The following RREB1 variants were observed in gnomAD, a reference collection of about 807,000 sequenced individuals.
RREB1 encodes the protein ras responsive element binding protein 1.
A neutral mutation model predicts 117.8 loss-of-function variants in RREB1; 27 were observed. The observed-to-expected ratio is 0.23, with a 90% CI of 0.17 to 0.32. RREB1 has a LOEUF of 0.32. RREB1 is among the 10% of genes least tolerant of loss of function. RREB1 has a pLI of 1.00. For synonymous variants in RREB1, 1,298 were observed against 1,026.7 expected, an observed-to-expected ratio of 1.26 and a Z score of -5.05; for missense variants, 2,577 against 2,378.2, an observed-to-expected ratio of 1.08 and a Z score of -1.74.
chr6:7,227,693 A>T (rs1767669418), intron 9 of RREB1, among the ~76,000 whole-genome samples: 2 of 152,214 alleles, frequency 1.3e-5, no homozygotes, highest in African/African-American at 4.8e-5. Context: ...GGTTTCTATT[A>T]AAAACAATTT....
intron 4 of RREB1, 52 bp downstream of exon 4, chr6:7,182,134 A>G: frequency 6.8e-7 from 1 of 1,469,916 alleles, no homozygotes; most frequent in East Asian, 2.3e-5. Flanking sequence ...CCATGAGAAC[A>G]TTGGGAGATG....
chr6:7,122,228 T>G (rs992409720), intron 1 of RREB1, among the ~76,000 whole-genome samples: 7 of 152,254 alleles, frequency 4.6e-5, no homozygotes, highest in African/African-American at 1.7e-4. Flanking sequence ...GGTAGTATAC[T>G]GAGGAGAACG....
intron 1 of RREB1, among the ~76,000 whole-genome samples, chr6:7,172,699 T>TGGGGGGGGG (rs1561759575): frequency 9.1e-6 from 1 of 109,596 alleles, no homozygotes; most frequent in African/African-American, 3.6e-5. Flanking sequence ...TGTGGGGGGG[T>TGGGGGGGGG]GGGGGTGACT....
At chr6:7,191,136 GT>G (rs1765378949) in intron 6 of RREB1, among the ~76,000 whole-genome samples, 1 of 152,094 alleles carries the variant, frequency 6.6e-6, no homozygotes, top group African/African-American at 2.4e-5. Flanking sequence ...GTGGCAGTGT[GT>G]TTTTACAAAT....
chr6:7,235,466 A>G (rs1172663196), intron 10 of RREB1, among the ~76,000 whole-genome samples: 2 of 152,192 alleles, frequency 1.3e-5, no homozygotes, highest in Non-Finnish European at 2.9e-5. Flanking sequence ...TTCGGAGAAG[A>G]TGTTCTGTGG....
chr6:7,133,888 T>C (rs1762249870), intron 1 of RREB1, among the ~76,000 whole-genome samples: 1 of 152,202 alleles, frequency 6.6e-6, no homozygotes, highest in South Asian at 2.1e-4. Context: ...ATTACAAAAA[T>C]GGGATTTATT....
intron 1 of RREB1, among the ~76,000 whole-genome samples, chr6:7,161,027 C>T (rs1011282372): frequency 1.3e-5 from 2 of 152,050 alleles, no homozygotes; most frequent in Admixed American, 6.6e-5. Flanking sequence ...GATAGAGTTT[C>T]GCCATGTTGC....
At chr6:7,193,173 C>T (rs1158657156) in intron 6 of RREB1, among the ~76,000 whole-genome samples, 1 of 152,152 alleles carries the variant, frequency 6.6e-6, no homozygotes, top group African/African-American at 2.4e-5. Flanking sequence ...TTTCTAGTTT[C>T]GTTCCATTAT....
intron 2 of RREB1, among the ~76,000 whole-genome samples, chr6:7,180,027 T>G (rs1185435403): frequency 1.3e-5 from 2 of 151,850 alleles, no homozygotes; most frequent in African/African-American, 4.8e-5. Flanking sequence ...AGTATAGATG[T>G]TTTTTTGGGG....
intron 6 of RREB1, among the ~76,000 whole-genome samples, chr6:7,198,269 G>A (rs1356806724): frequency 6.6e-6 from 1 of 152,160 alleles, no homozygotes; most frequent in Non-Finnish European, 1.5e-5. Flanking sequence ...ATATTCTTCT[G>A]CAGGAAGGAA....
chr6:7,219,010 G>A (rs1328171022), intron 8 of RREB1: 2 of 147,314 alleles, frequency 1.4e-5, no homozygotes. Context: ...TACTTTGGGA[G>A]GCCGAAGCAA....
At position 7,249,922 on chromosome 6, in the gene RREB1, T is replaced by A. The variant is rs981092786; in HGVS notation, c.*954T>A. 1.3e-5 allele frequency: 2 copies of A among 152,588 alleles called. No homozygotes were observed. The highest frequency in any genetic ancestry group is 2.4e-5 in the African/African-American group (1 of 41,428). 9.5% of individuals were successfully genotyped at this position (152,588 alleles called of 1,614,324 possible). The stretch of plus-strand genomic sequence containing the variant: ...GCACCCAGGTCCCCGTGTTAACGTG[T>A]GCCTGCGGTTGTGGTTGGCACCCTC... On this transcript the variant is annotated 3_prime_UTR_variant, in exon 13 of 13. Transcript: ENST00000379938.
chr6:7,215,613 T>A (rs1581549951), intron 8 of RREB1: 1 of 152,242 alleles, frequency 6.6e-6, no homozygotes, highest in African/African-American at 2.4e-5. Flanking sequence ...GTGCTGGGAT[T>A]GTAGGCGTGA....
At chr6:7,181,518 G>T in intron 3 of RREB1, 1 of 504,928 alleles carries the variant, frequency 2.0e-6, no homozygotes, top group Non-Finnish European at 3.4e-6. Context: ...AGGTTCTTAG[G>T]AGGGTGCTGC....
In RREB1 at chr6:7,246,959, C is replaced by T; in HGVS notation, c.4509C>T (p.Thr1503=). 1 of 1,568,156 alleles carries T rather than the reference C, an allele frequency of 6.4e-7. No individual in the cohort carries two copies. The highest frequency in any genetic ancestry group is 8.6e-7 in the Non-Finnish European group (1 of 1,157,924). ...AACAGGAGGAGAAGCCCCCCGAGAC[C>T]CCGGCAGAGGTGGTGGAGTCGGCCC... ...APEQEEKPPE[T]PAEVVESAPG... Residue 1503 remains threonine, a synonymous_variant, in exon 12 of 13, where the codon ACC becomes ACT. Coordinates refer to ENST00000379938, the MANE Select transcript of RREB1 (RefSeq NM_001003699.4).
At position 7,240,489 on chromosome 6, in the gene RREB1, C is replaced by CT; in HGVS notation, c.3861dup (p.Asn1288Ter). The CT allele has an allele frequency of 6.2e-7, 1 of 1,614,004 alleles. No individual in the cohort carries two copies. The highest frequency in any genetic ancestry group is 8.5e-7 in the Non-Finnish European group (1 of 1,179,970). ...TGCGATGCCTTCTTTTCTACCAAAT[C>CT]TAACTGTGAACGCCACCAGTTGCGC... On this transcript the variant is annotated frameshift_variant, in exon 11 of 13. Coordinates refer to ENST00000379938, the MANE Select transcript of RREB1 (RefSeq NM_001003699.4). LOFTEE classifies it high-confidence loss of function.
At chr6:7,108,466 T>G (rs1760944769) in intron 1 of RREB1, among the ~76,000 whole-genome samples, 1 of 151,858 alleles carries the variant, frequency 6.6e-6, no homozygotes, top group Admixed American at 6.6e-5. Flanking sequence ...AGCGCAGGAA[T>G]CCGGCCCGAC....
At chr6:7,197,771 A>C (rs1335787579) in intron 6 of RREB1, among the ~76,000 whole-genome samples, 1 of 152,206 alleles carries the variant, frequency 6.6e-6, no homozygotes, top group Non-Finnish European at 1.5e-5. Flanking sequence ...TCTGTTGCCA[A>C]GTATGGGAGA....
chr6:7,110,121 T>C (rs938362730), intron 1 of RREB1, among the ~76,000 whole-genome samples: 1 of 152,224 alleles, frequency 6.6e-6, no homozygotes, highest in African/African-American at 2.4e-5. Flanking sequence ...TTTTCCCCTT[T>C]ATATATGTAG....
Sources: allele counts gnomAD v4.1 joint callset (sites outside exome capture counted in the v4.1 genomes callset), GRCh38; gene constraint gnomAD v4.1.1; transcripts MANE v1.5; gene names NCBI Gene and HGNC (gene_info 2026-07-23, HGNC 2026-07-21).